Variants in GPATCH2 observed in about 807,000 individuals in gnomAD.
The protein encoded by GPATCH2 is G-patch domain containing 2.
Under a neutral mutation model 58.0 loss-of-function variants are expected in GPATCH2, and 51 were observed. The observed-to-expected ratio is 0.88, with a 90% CI of 0.70 to 1.11. The LOEUF (loss-of-function observed/expected upper bound fraction) is 1.11, where lower values mean the gene tolerates loss of function less well. Ranked by LOEUF, GPATCH2 falls within the 50% of genes most tolerant of loss-of-function variation. The pLI, the probability that GPATCH2 is intolerant of heterozygous loss-of-function variation, is 0.00. For synonymous variants in GPATCH2, 222 were observed against 218.5 expected (o/e 1.02, Z -0.14); for missense variants, 625 against 652.2 (o/e 0.96, Z 0.45).
At chr1:217,452,335 A>G (rs772317320) in intron 8 of GPATCH2, among the ~76,000 whole-genome samples, 5 of 152,206 alleles carry the variant, frequency 3.3e-5, no homozygotes, top group Non-Finnish European at 7.4e-5. Context: ...GGCTGGTTTT[A>G]TTGATTTCAG....
chr1:217,432,303 G>C (rs956321057), intron 9 of GPATCH2, among the ~76,000 whole-genome samples: 2 of 148,736 alleles, frequency 1.3e-5, no homozygotes, highest in African/African-American at 5.1e-5. Context: ...TTTTCTCTTT[G>C]ATGACATTTT....
At position 217,438,726 on chromosome 1, in the gene GPATCH2, C is replaced by A. The variant is rs1396927871; in HGVS notation, c.1367-7361G>T. Among the ~76,000 whole-genome samples the A allele has an allele frequency of 2.6e-5, 4 of 151,970 alleles. No individual in the cohort carries two copies. In the East Asian group the frequency reaches 7.7e-4, roughly 29 times the overall value. ...GAAATATGGGACCATGTGAAAAGAC[C>A]AAACCTACGGTTGATAGGTGTATCT... On this transcript the variant is annotated intron_variant, in intron 9 of 9. Transcript: ENST00000366935.
chr1:217,521,220 T>A (rs1002635414), intron 5 of GPATCH2, among the ~76,000 whole-genome samples: 6 of 152,192 alleles, frequency 3.9e-5, no homozygotes, highest in Non-Finnish European at 8.8e-5. Flanking sequence ...AACATCATTA[T>A]TCTCAAATAA....
intron 6 of GPATCH2, among the ~76,000 whole-genome samples, chr1:217,512,374 T>G (rs543991304): frequency 6.6e-6 from 1 of 152,080 alleles, no homozygotes; most frequent in South Asian, 2.1e-4. Context: ...TGAATTAAAG[T>G]CTTATAATTA....
chr1:217,456,704 G>T (rs548891978), intron 8 of GPATCH2, among the ~76,000 whole-genome samples: 1 of 152,010 alleles, frequency 6.6e-6, no homozygotes, highest in Non-Finnish European at 1.5e-5. Context: ...AACAGAGAGG[G>T]TTACCCAAAA....
intron 5 of GPATCH2, among the ~76,000 whole-genome samples, chr1:217,562,138 G>C (rs955521114): frequency 6.6e-6 from 1 of 152,140 alleles, no homozygotes; most frequent in East Asian, 1.9e-4. Flanking sequence ...GTACTCCAGT[G>C]CTTGGGGAGG....
intron 8 of GPATCH2, among the ~76,000 whole-genome samples, chr1:217,471,184 T>A (rs949279913): frequency 6.6e-5 from 10 of 152,086 alleles, no homozygotes; most frequent in Non-Finnish European, 1.2e-4. Flanking sequence ...TTTAAAATCC[T>A]AAATTTACTA....
At chr1:217,627,986 C>G (rs1558539291) in intron 1 of GPATCH2, among the ~76,000 whole-genome samples, 1 of 151,964 alleles carries the variant, frequency 6.6e-6, no homozygotes, top group Non-Finnish European at 1.5e-5. Context: ...TGCATATATT[C>G]AAATGCATTA....
intron 5 of GPATCH2, among the ~76,000 whole-genome samples, chr1:217,523,244 G>C (rs1432223483): frequency 1.3e-5 from 2 of 151,532 alleles, no homozygotes; most frequent in Non-Finnish European, 2.9e-5. Flanking sequence ...AGGGTCACAG[G>C]ACAATAGTGG....
At chr1:217,474,568 T>G (rs748643882) in intron 8 of GPATCH2, among the ~76,000 whole-genome samples, 7 of 151,776 alleles carry the variant, frequency 4.6e-5, no homozygotes, top group Non-Finnish European at 8.8e-5. Flanking sequence ...CCCTGAGGAG[T>G]TGAGGGTGAG....
At chr1:217,547,325 T>C (rs933259499) in intron 5 of GPATCH2, among the ~76,000 whole-genome samples, 3 of 150,696 alleles carry the variant, frequency 2.0e-5, no homozygotes, top group Admixed American at 6.7e-5. Context: ...ATCGCGCCAC[T>C]GCACTCCAGC....
Position 217,585,555 on chromosome 1 carries a change from G to A in GPATCH2, c.1098+24766C>T, listed in dbSNP as rs1322035320. Among the ~76,000 whole-genome samples, 3 of 152,120 alleles carry A rather than the reference G, an allele frequency of 2.0e-5. 1 individual carries two copies. The highest frequency in any genetic ancestry group is 4.4e-5 in the Non-Finnish European group (3 of 68,042). On this transcript the variant is annotated intron_variant, in intron 5 of 9. Transcript: ENST00000366935. ...GAATCGCTTGAACCTGGGAGGCAGA[G>A]GTTGTAGTTAGCCGAGATCACGCCA... is the stretch of plus-strand genomic sequence containing the variant.
At chr1:217,569,445 A>G (rs1369341524) in intron 5 of GPATCH2, among the ~76,000 whole-genome samples, 1 of 151,990 alleles carries the variant, frequency 6.6e-6, no homozygotes, top group Non-Finnish European at 1.5e-5. Context: ...CTGTAATCAC[A>G]GCACTTTGGG....
At chr1:217,605,295 A>G (rs1331449082) in intron 5 of GPATCH2, among the ~76,000 whole-genome samples, 1 of 152,220 alleles carries the variant, frequency 6.6e-6, no homozygotes, top group Non-Finnish European at 1.5e-5. Flanking sequence ...GGGTTTTTGT[A>G]TAGTGAATGC....
At chr1:217,456,262 C>T (rs1223392162) in intron 8 of GPATCH2, among the ~76,000 whole-genome samples, 2 of 152,168 alleles carry the variant, frequency 1.3e-5, no homozygotes, top group African/African-American at 4.8e-5. Flanking sequence ...GTACCCACCC[C>T]TAGATGCTAC....
chr1:217,454,382 A>G (rs368089295), intron 8 of GPATCH2, among the ~76,000 whole-genome samples: 15 of 151,852 alleles, frequency 9.9e-5, no homozygotes, highest in Admixed American at 3.9e-4. Context: ...GAGGTCTGGA[A>G]ATCGAGACCA....
At chr1:217,544,013 ATATAGTTATACT>A (rs1369465376) in intron 5 of GPATCH2, among the ~76,000 whole-genome samples, 2 of 152,222 alleles carry the variant, frequency 1.3e-5, no homozygotes, top group Non-Finnish European at 2.9e-5. Context: ...TAGTGTGTGT[ATATAGTTATACT>A]TGAGTTACTA....
At chr1:217,514,547 A>G (rs1038184938) in intron 6 of GPATCH2, among the ~76,000 whole-genome samples, 3 of 152,232 alleles carry the variant, frequency 2.0e-5, no homozygotes, top group African/African-American at 7.2e-5. Context: ...CAATGTAATG[A>G]AAATTTTAAA....
At chr1:217,605,981 G>A (rs1668344092) in intron 5 of GPATCH2, among the ~76,000 whole-genome samples, 1 of 152,080 alleles carries the variant, frequency 6.6e-6, no homozygotes, top group Non-Finnish European at 1.5e-5. Context: ...TCTCCTAAAA[G>A]TGGGGAATAA....
Sources: allele counts gnomAD v4.1 joint callset (sites outside exome capture counted in the v4.1 genomes callset), GRCh38; gene constraint gnomAD v4.1.1; transcripts MANE v1.5; gene names NCBI Gene and HGNC (gene_info 2026-07-23, HGNC 2026-07-21).